Variants in SLC41A3 observed in about 807,000 individuals in gnomAD.
The protein encoded by SLC41A3 is SLC41A1-like 2.
Under a neutral mutation model 45.4 loss-of-function variants are expected in SLC41A3, and 44 were observed. The observed-to-expected ratio is 0.97, with a 90% CI of 0.76 to 1.25. The LOEUF is 1.25. Ranked by LOEUF, SLC41A3 falls within the 50% of genes most tolerant of loss-of-function variation. SLC41A3 has a pLI of 0.00. For missense variants in SLC41A3, 550 were observed against 600.6 expected, an observed-to-expected ratio of 0.92 and a Z score of 0.88; for synonymous variants, 256 against 252.4, an observed-to-expected ratio of 1.01 and a Z score of -0.13.
At chr3:126,023,265 T>A (rs12630606) in intron 5 of SLC41A3, 66,260 of 243,630 alleles carry the variant, frequency 0.27, 9,496 homozygotes, top group African/African-American at 0.33. Context: ...AGCCCCATGC[T>A]GCATGAGGGC....
At chr3:126,024,169 T>C (rs1941148935) in intron 5 of SLC41A3, 1 of 152,230 alleles carries the variant, frequency 6.6e-6, no homozygotes, top group South Asian at 2.1e-4. Context: ...GTAACCGCAA[T>C]GCTTCTGAAC....
intron 3 of SLC41A3, among the ~76,000 whole-genome samples, chr3:126,042,169 T>C (rs961649444): frequency 6.6e-6 from 1 of 152,088 alleles, no homozygotes; most frequent in South Asian, 2.1e-4. Flanking sequence ...CCCAACATAT[T>C]AGAGTTCTCA....
intron 2 of SLC41A3, among the ~76,000 whole-genome samples, chr3:126,066,251 C>T (rs1210993965): frequency 6.6e-6 from 1 of 152,212 alleles, no homozygotes; most frequent in African/African-American, 2.4e-5. Flanking sequence ...GGAACTGAGG[C>T]TCGCAGTCCA....
chr3:126,048,406 T>TAG (rs1208513736), intron 3 of SLC41A3, among the ~76,000 whole-genome samples: 1 of 152,210 alleles, frequency 6.6e-6, no homozygotes, highest in Non-Finnish European at 1.5e-5. Context: ...CGGGAGTATA[T>TAG]AGAGACATGT....
chr3:126,068,009 C>T lies in SLC41A3; in HGVS notation c.211G>A (p.Val71Met), dbSNP rs11543283. 0.03 allele frequency: 48,986 copies of T among 1,613,778 alleles called. 1,440 individuals carry two copies. Among genetic ancestry groups the T allele is most frequent in the East Asian group, 0.17 (7,529 of 44,864 alleles). ...TTWSIGLQVT[V>M]PFMFAGLGLS... ...CCCAGGCCTGCAAACATGAAGGGCA[C>T]GGTCACCTGAAGGCCTATGGACCAG... The change falls in exon 2 of 11, where the codon GTG (valine) becomes ATG (methionine). Residue 71 changes from valine (V) to methionine (M), a missense_variant. By Grantham distance (21) the Val-to-Met change is conservative (BLOSUM62 1). Transcript: ENST00000360370.
intron 1 of SLC41A3, among the ~76,000 whole-genome samples, chr3:126,101,027 C>T (rs574204305): frequency 4.1e-4 from 63 of 152,364 alleles, no homozygotes; most frequent in African/African-American, 9.1e-4. Context: ...TGAGTCGCCC[C>T]GGGGGAGATG....
intron 10 of SLC41A3, among the ~76,000 whole-genome samples, chr3:126,008,006 C>G (rs1168353835): frequency 6.6e-6 from 1 of 152,240 alleles, no homozygotes; most frequent in East Asian, 1.9e-4. Context: ...TGATCAATGT[C>G]TACGCATGCC....
intron 1 of SLC41A3, among the ~76,000 whole-genome samples, chr3:126,083,005 A>G (rs1479311078): frequency 1.3e-5 from 2 of 152,218 alleles, no homozygotes; most frequent in African/African-American, 4.8e-5. Flanking sequence ...CCTTGGAAAA[A>G]TTAAACTTTC....
chr3:126,018,548 C>T (rs1940537884), intron 6 of SLC41A3, among the ~76,000 whole-genome samples: 1 of 152,226 alleles, frequency 6.6e-6, no homozygotes, highest in African/African-American at 2.4e-5. Context: ...CTCTAAATCA[C>T]AGCTGTTTAT....
Position 126,015,512 on chromosome 3 carries a change from A to G in SLC41A3, c.952T>C (p.Phe318Leu), listed in dbSNP as rs1459442845. ...SKQQYKGMAI[F>L]TPVICGVGGN... Reference sequence around the variant, plus strand: ...TACGTACCACATATGACGGGGGTAAATATCGCCATGCCTTTGTACTGCTGT... The same window carrying G: ...TACGTACCACATATGACGGGGGTAAGTATCGCCATGCCTTTGTACTGCTGT... Residue 318 changes from phenylalanine to leucine, a missense_variant, in exon 8 of 11, where the codon TTT becomes CTT. By Grantham distance (22) the Phe-to-Leu change is conservative (BLOSUM62 0). Transcript: ENST00000360370. 1.2e-6 allele frequency: 2 copies of G among 1,614,208 alleles called. No individual in the cohort carries two copies.
chr3:126,046,824 T>C (rs1266297829), intron 3 of SLC41A3, among the ~76,000 whole-genome samples: 2 of 151,836 alleles, frequency 1.3e-5, no homozygotes, highest in African/African-American at 4.8e-5. Context: ...TAGCCAGGCA[T>C]GGTGGCAGGT....
chr3:126,016,004 C>T (rs1319907472), intron 7 of SLC41A3, among the ~76,000 whole-genome samples: 1 of 152,188 alleles, frequency 6.6e-6, no homozygotes, highest in Admixed American at 6.5e-5. Context: ...TGTAGTTTAG[C>T]AAAAGCTTTC....
intron 2 of SLC41A3, among the ~76,000 whole-genome samples, chr3:126,059,718 G>A (rs888825414): frequency 2.6e-5 from 4 of 152,166 alleles, no homozygotes; most frequent in African/African-American, 4.8e-5. Context: ...GAACCGGCAG[G>A]AGGCAGAGAG....
Position 126,090,028 on chromosome 3 carries a change from CTTTTTT to C in SLC41A3, c.-79+11395_-79+11400del, listed in dbSNP as rs59737864. 5.4e-3 allele frequency among the ~76,000 whole-genome samples: 538 copies of C among 99,368 alleles called. 1 individual carries two copies. Among genetic ancestry groups the C allele is most frequent in the African/African-American group, 0.016 (427 of 26,286 alleles). The allele number at this position is 99,368 out of a possible 152,430, so 65.2% of individuals were successfully genotyped here. On this transcript the variant is annotated intron_variant, in intron 1 of 9. Transcript: ENST00000508835. ...TCTAGTTAAAGAAGGTCAAGAAAAT[CTTTTTT>C]TTTTTTTTTTTTTTTTTTTAGTTAT...
At position 126,028,489 on chromosome 3, in the gene SLC41A3, C is replaced by T. The variant is rs1050027637; in HGVS notation, c.454-2010G>A. On this transcript the variant is annotated intron_variant, in intron 4 of 10. Transcript: ENST00000360370. ...GGCTTCAGAGCCTCCGCCTGGATTTCAGAGGATGTATGGAAAAGCCTGGCT... is the reference window on the plus strand; with the variant it reads ...GGCTTCAGAGCCTCCGCCTGGATTTTAGAGGATGTATGGAAAAGCCTGGCT... 1.3e-5 allele frequency among the ~76,000 whole-genome samples: 2 copies of T among 152,268 alleles called. 1 individual carries two copies. The highest frequency in any genetic ancestry group is 4.8e-5 in the African/African-American group (2 of 41,486).
At position 126,008,781 on chromosome 3, in the gene SLC41A3, ATGAC is replaced by A. The variant is rs1939400675; in HGVS notation, c.1201_1204del (p.Val401Ter). 1 of 1,614,038 alleles carries A rather than the reference ATGAC, an allele frequency of 6.2e-7. No individual in the cohort carries two copies. The highest frequency in any genetic ancestry group is 1.7e-5 in the Admixed American group (1 of 60,000). Reference sequence around the variant, plus strand: ...GAGCACCACAAAGGTCTGGCTGTTTATGACTGACTGACCCTCCACCAGGTAGATG... The same window carrying A: ...GAGCACCACAAAGGTCTGGCTGTTTATGACTGACCCTCCACCAGGTAGATG... On this transcript the variant is annotated frameshift_variant, in exon 10 of 11. Coordinates refer to ENST00000360370, the MANE Select transcript of SLC41A3 (RefSeq NM_017836.4). LOFTEE classifies it low-confidence loss of function (END_TRUNC).
chr3:126,059,307 A>AAAGAAAGAAAGG (rs1559870097), intron 2 of SLC41A3, among the ~76,000 whole-genome samples: 334 of 59,414 alleles, frequency 5.6e-3, no homozygotes, highest in Non-Finnish European at 7.7e-3. Context: ...AGAAAGAAAG[A>AAAGAAAGAAAGG]AAGGAAGGAT....
intron 2 of SLC41A3, chr3:126,056,298 T>G (rs1943654217): frequency 6.4e-7 from 1 of 1,571,078 alleles, no homozygotes; most frequent in Non-Finnish European, 8.7e-7. Context: ...CTGTCTGTGG[T>G]GCCAGGAGAC....
chr3:126,027,166 A>T (rs1941426089), intron 4 of SLC41A3, among the ~76,000 whole-genome samples: 1 of 152,158 alleles, frequency 6.6e-6, no homozygotes, highest in Non-Finnish European at 1.5e-5. Flanking sequence ...CACATGTTGA[A>T]TTATAATCCC....
Sources: gnomAD v4.1 joint callset for allele counts (sites outside exome capture counted in the v4.1 genomes callset) on GRCh38, gnomAD v4.1.1 for gene constraint, MANE v1.5 for transcripts, NCBI Gene and HGNC (gene_info 2026-07-23, HGNC 2026-07-21) for gene names.